PI4KA: variants seen among roughly 807,000 people sequenced by gnomAD.
The protein encoded by PI4KA is PI4-kinase alpha.
In PI4KA, 122 loss-of-function variants were observed where a neutral mutation model predicts 271.4. That is an observed-to-expected ratio of 0.45 (90% confidence interval 0.39 to 0.52). PI4KA has a LOEUF of 0.52. Among genes scored for constraint, PI4KA ranks in the 20% least tolerant of loss-of-function variants. PI4KA has a pLI of 0.00. For synonymous variants in PI4KA, 1,041 were observed against 1,078.8 expected, an observed-to-expected ratio of 0.96 and a Z score of 0.69; for missense variants, 1,969 against 2,769.1, an observed-to-expected ratio of 0.71 and a Z score of 6.48.
chr22:20,787,011 A>G, intron 19 of PI4KA: 2 of 1,614,128 alleles, frequency 1.2e-6, no homozygotes, highest in Non-Finnish European at 1.7e-6. Context: ...ATCTACGAGC[A>G]TCGCACCAGC....
intron 29 of PI4KA, among the ~76,000 whole-genome samples, chr22:20,745,481 T>G (rs1444316267): frequency 1.3e-5 from 2 of 152,170 alleles, no homozygotes; most frequent in East Asian, 3.8e-4. Flanking sequence ...AGAGGGATTT[T>G]TTTTTGAGGG....
intron 29 of PI4KA, among the ~76,000 whole-genome samples, chr22:20,746,383 TA>T (rs905933916): frequency 1.3e-5 from 2 of 152,022 alleles, no homozygotes; most frequent in African/African-American, 4.8e-5. Context: ...TTTTAAAAAT[TA>T]AAAAAAATAA....
In PI4KA at chr22:20,732,922, C is replaced by T. The variant is rs374602743; in HGVS notation, c.4288+49G>A. 3 of 1,608,690 alleles carry T rather than the reference C, an allele frequency of 1.9e-6. No individual in the cohort carries two copies. In the African/African-American group the frequency reaches 4.0e-5, roughly 22 times the overall value. ...ACCCTCGGGGCAGCCCACGTGGCAC[C>T]CCTGTCCTGCCTGCCTCCACCATGA... On this transcript the variant is annotated intron_variant, in intron 36 of 54. Transcript: ENST00000255882.
At chr22:20,811,478 T>C (rs547541388) in intron 8 of PI4KA, among the ~76,000 whole-genome samples, 5 of 152,232 alleles carry the variant, frequency 3.3e-5, no homozygotes, top group East Asian at 3.9e-4. Context: ...GTGCACTGGC[T>C]CTTCTACAAC....
At position 20,749,000 on chromosome 22, in the gene PI4KA, C is replaced by T. The variant is rs138236628; in HGVS notation, c.3243+905G>A. ...TTTTCCATTTCCTTCTTAGGCCAGA[C>T]CTGCGTGAGAAAGTAAAAAGCTCTA... On this transcript the variant is annotated intron_variant, in intron 28 of 54. Transcript: ENST00000255882. 4.6e-5 allele frequency among the ~76,000 whole-genome samples: 7 copies of T among 152,330 alleles called. No homozygotes were observed. In the East Asian group the frequency reaches 1.4e-3, roughly 29 times the overall value.
chr22:20,758,120 C>CT (rs1420012015), intron 23 of PI4KA, among the ~76,000 whole-genome samples: 1 of 151,980 alleles, frequency 6.6e-6, no homozygotes, highest in African/African-American at 2.4e-5. Context: ...AATCCCTGCA[C>CT]TTTGGGAGGC....
rs765929508 is a variant in PI4KA at position 20,733,057 on chromosome 22, C to T, written c.4202G>A (p.Arg1401His). Residue 1401 changes from arginine to histidine, a missense_variant, in exon 36 of 55, where the codon CGT becomes CAT. Transcript: ENST00000255882. ...TTTAATCATGATGCTTATGTCTTCACGCAGCCGCTTCTCTCCTTGAGTAGG... is the reference window on the plus strand; with the variant it reads ...TTTAATCATGATGCTTATGTCTTCATGCAGCCGCTTCTCTCCTTGAGTAGG... ...KFPTQGEKRLREDISIMIKFW... is the reference protein window; with the variant it reads ...KFPTQGEKRLHEDISIMIKFW... 5.6e-6 allele frequency: 9 copies of T among 1,611,838 alleles called. No individual in the cohort carries two copies. The highest frequency in any genetic ancestry group is 1.1e-5 in the South Asian group (1 of 90,986).
chr22:20,763,444 CTTTTTTTT>C (rs546470127), intron 22 of PI4KA, among the ~76,000 whole-genome samples: 3 of 143,484 alleles, frequency 2.1e-5, no homozygotes, highest in Admixed American at 7.0e-5. Flanking sequence ...TTCTTTTTTT[CTTTTTTTT>C]TTTTTGAGAC....
chr22:20,754,773 C>A (rs571228749), intron 23 of PI4KA, among the ~76,000 whole-genome samples: 1 of 152,138 alleles, frequency 6.6e-6, no homozygotes, highest in Non-Finnish European at 1.5e-5. Context: ...CATGGTGAAA[C>A]CCCATCTTTA....
intron 40 of PI4KA, 45 bp from the exon 41 acceptor site, chr22:20,727,442 A>G: frequency 2.6e-6 from 4 of 1,523,410 alleles, no homozygotes; most frequent in Non-Finnish European, 3.5e-6. Flanking sequence ...CAGTCCCGGG[A>G]CCTCTGGAAA....
At chr22:20,722,691 A>T (rs903715386) in intron 42 of PI4KA, among the ~76,000 whole-genome samples, 1 of 152,176 alleles carries the variant, frequency 6.6e-6, no homozygotes, top group Admixed American at 6.5e-5. Context: ...CCCTAGGTTT[A>T]AAAAGGTGAG....
chr22:20,836,247 T>C (rs1924854318), intron 2 of PI4KA, among the ~76,000 whole-genome samples: 1 of 152,148 alleles, frequency 6.6e-6, no homozygotes, highest in East Asian at 1.9e-4. Flanking sequence ...CGATGCTAAA[T>C]GGAGTCAGTT....
chr22:20,818,361 G>A (rs1922121025), intron 7 of PI4KA, 122 bp downstream of exon 7: 1 of 590,414 alleles, frequency 1.7e-6, no homozygotes, highest in African/African-American at 2.0e-5. Context: ...CTAAAAGCTT[G>A]GCACTCTAGG....
intron 42 of PI4KA, among the ~76,000 whole-genome samples, chr22:20,723,016 A>T (rs1428656616): frequency 6.6e-6 from 1 of 151,606 alleles, no homozygotes; most frequent in Non-Finnish European, 1.5e-5. Flanking sequence ...CATTTTTATT[A>T]ACTTTTGATT....
At chr22:20,765,401 G>A (rs1161082481) in intron 20 of PI4KA, among the ~76,000 whole-genome samples, 165 bp from the exon 21 acceptor site, 1 of 152,198 alleles carries the variant, frequency 6.6e-6, no homozygotes, top group African/African-American at 2.4e-5. Context: ...TTCCTAAGGT[G>A]TATGGCATTC....
At chr22:20,763,774 A>T (rs1158515569) in intron 22 of PI4KA, among the ~76,000 whole-genome samples, 2 of 152,276 alleles carry the variant, frequency 1.3e-5, no homozygotes, top group East Asian at 3.9e-4. Flanking sequence ...AAAAGAACAA[A>T]GTCAACACTC....
At chr22:20,855,453 C>G (rs1295646459) in intron 1 of PI4KA, among the ~76,000 whole-genome samples, 1 of 152,116 alleles carries the variant, frequency 6.6e-6, no homozygotes, top group East Asian at 1.9e-4. Flanking sequence ...CTTACAGAAG[C>G]CTCCTCTATG....
intron 29 of PI4KA, among the ~76,000 whole-genome samples, chr22:20,747,283 C>T (rs1930218165): frequency 6.6e-6 from 1 of 152,098 alleles, no homozygotes; most frequent in Non-Finnish European, 1.5e-5. Flanking sequence ...AGCTCTGTTT[C>T]CATCCTCTCA....
At chr22:20,779,145 T>A (rs1437059030) in intron 19 of PI4KA, 1 of 1,520,514 alleles carries the variant, frequency 6.6e-7, no homozygotes, top group Non-Finnish European at 8.8e-7. Flanking sequence ...TACATCAGAT[T>A]CTCTTAAAGT....
Sources: gnomAD v4.1 joint callset for allele counts (sites outside exome capture counted in the v4.1 genomes callset) on GRCh38, gnomAD v4.1.1 for gene constraint, MANE v1.5 for transcripts, NCBI Gene and HGNC (gene_info 2026-07-23, HGNC 2026-07-21) for gene names.